CCDC15: variants seen among roughly 807,000 people sequenced by gnomAD.
CCDC15 encodes coiled-coil domain containing 15, also known as coiled-coil domain-containing protein 15.
CCDC15 carries 105 observed loss-of-function variants against 114.5 expected under a neutral mutation model. That is an observed-to-expected ratio of 0.92 (90% CI 0.78 to 1.08). CCDC15 has a LOEUF of 1.08. Ranked by LOEUF, CCDC15 falls within the 50% of genes least tolerant of loss-of-function variation. The pLI is 0.00. For missense variants in CCDC15, 1,105 were observed against 1,093.6 expected, an observed-to-expected ratio of 1.01 and a Z score of -0.15; for synonymous variants, 334 against 377.8, an observed-to-expected ratio of 0.88 and a Z score of 1.34.
intron 13 of CCDC15, among the ~76,000 whole-genome samples, chr11:125,007,105 A>G (rs1948558304): frequency 6.6e-6 from 1 of 152,150 alleles, no homozygotes; most frequent in Non-Finnish European, 1.5e-5. Flanking sequence ...GAACATTTCA[A>G]ATCTTCTAGC....
chr11:124,984,255 G>A (rs1948120559), intron 6 of CCDC15, among the ~76,000 whole-genome samples: 1 of 152,074 alleles, frequency 6.6e-6, no homozygotes, highest in Non-Finnish European at 1.5e-5. Context: ...TGGGGGAAGG[G>A]CATAGGCAGG....
intron 13 of CCDC15, among the ~76,000 whole-genome samples, chr11:125,023,034 T>G (rs1948672386): frequency 1.3e-5 from 2 of 151,968 alleles, no homozygotes; most frequent in African/African-American, 4.8e-5. Flanking sequence ...AATTTCTGCT[T>G]TTCAGTTTGT....
intron 15 of CCDC15, among the ~76,000 whole-genome samples, chr11:125,040,193 C>T (rs1033210364): frequency 1.1e-4 from 17 of 152,076 alleles, no homozygotes; most frequent in Non-Finnish European, 2.4e-4. Flanking sequence ...TGTGCCACCA[C>T]ATCCAGCTAA....
intron 8 of CCDC15, 73 bp downstream of exon 8, chr11:124,988,207 A>G (rs1219995106): frequency 6.9e-6 from 10 of 1,444,428 alleles, no homozygotes; most frequent in Non-Finnish European, 8.4e-6. Flanking sequence ...ATTTGTAAGG[A>G]CTGCAAGTAT....
intron 13 of CCDC15, among the ~76,000 whole-genome samples, chr11:125,021,564 G>A (rs1948660678): frequency 6.6e-6 from 1 of 151,804 alleles, no homozygotes. Flanking sequence ...ATGACCTGTA[G>A]GTCACTAGTT....
At chr11:124,954,639 C>T in intron 1 of CCDC15, 85 bp from the exon 2 acceptor site, 2 of 1,208,668 alleles carry the variant, frequency 1.7e-6, no homozygotes, top group South Asian at 2.9e-5. Context: ...CTCTCCTTTT[C>T]ACGGGCCTGT....
At chr11:125,011,079 T>G (rs1471676758) in intron 13 of CCDC15, among the ~76,000 whole-genome samples, 1 of 152,086 alleles carries the variant, frequency 6.6e-6, no homozygotes, top group Non-Finnish European at 1.5e-5. Context: ...TCATTGGACC[T>G]AAAAGTTTCC....
chr11:124,963,283 C>A (rs1400200071), intron 4 of CCDC15, among the ~76,000 whole-genome samples: 1 of 152,194 alleles, frequency 6.6e-6, no homozygotes, highest in East Asian at 1.9e-4. Flanking sequence ...TCCTATTTCT[C>A]CACATCCTCT....
intron 13 of CCDC15, among the ~76,000 whole-genome samples, chr11:125,014,945 G>T (rs1948618632): frequency 3.3e-5 from 5 of 152,042 alleles, no homozygotes; most frequent in Admixed American, 3.3e-4. Flanking sequence ...TTATTTTTCA[G>T]AATATGTTCT....
At chr11:124,979,295 A>C (rs1316923019) in intron 6 of CCDC15, among the ~76,000 whole-genome samples, 2 of 152,044 alleles carry the variant, frequency 1.3e-5, no homozygotes, top group African/African-American at 4.8e-5. Flanking sequence ...TTTTCATATG[A>C]ATTTTCAAAT....
chr11:124,959,725 T>TTAAAATAATA, intron 3 of CCDC15, 90 bp from the exon 4 acceptor site: 1 of 264,130 alleles, frequency 3.8e-6, no homozygotes, highest in Non-Finnish European at 7.0e-6. Context: ...CCCACCCCAA[T>TTAAAATAATA]TTAAAATCTT....
chr11:125,024,489 A>T (rs998664259), intron 13 of CCDC15, among the ~76,000 whole-genome samples: 1 of 152,052 alleles, frequency 6.6e-6, no homozygotes, highest in Non-Finnish European at 1.5e-5. Context: ...TTTTCTCAGC[A>T]GTATGTTATA....
intron 6 of CCDC15, among the ~76,000 whole-genome samples, chr11:124,986,252 T>C (rs2135480535): frequency 6.6e-6 from 1 of 152,318 alleles, no homozygotes. Context: ...TCCTATAACT[T>C]TGTGGTAACT....
intron 13 of CCDC15, among the ~76,000 whole-genome samples, chr11:125,015,775 A>G (rs990958354): frequency 3.2e-4 from 48 of 152,208 alleles, no homozygotes; most frequent in African/African-American, 1.1e-3. Context: ...ATTACAAGAA[A>G]GCAGCATTAC....
At chr11:125,037,413 G>A (rs1206185852) in intron 13 of CCDC15, 1 of 152,198 alleles carries the variant, frequency 6.6e-6, no homozygotes, top group African/African-American at 2.4e-5. Flanking sequence ...CTAGCCTCAG[G>A]TTATTTCATT....
At chr11:125,007,910 G>C (rs1948563510) in intron 13 of CCDC15, among the ~76,000 whole-genome samples, 1 of 152,174 alleles carries the variant, frequency 6.6e-6, no homozygotes, top group Non-Finnish European at 1.5e-5. Flanking sequence ...TTCTATACCT[G>C]GGTGCTGGCA....
intron 6 of CCDC15, among the ~76,000 whole-genome samples, chr11:124,984,241 G>A (rs187321109): frequency 7.0e-4 from 107 of 152,252 alleles, no homozygotes; most frequent in African/African-American, 2.3e-3. Flanking sequence ...GAGGGAGGAC[G>A]CAGTGGGGGA....
intron 13 of CCDC15, among the ~76,000 whole-genome samples, chr11:125,012,312 A>C (rs2135528201): frequency 6.6e-6 from 1 of 152,318 alleles, no homozygotes; most frequent in Non-Finnish European, 1.5e-5. Flanking sequence ...GGGTCTCATG[A>C]TAAGGGCTCC....
At chr11:124,984,359 C>A (rs551864824) in intron 6 of CCDC15, among the ~76,000 whole-genome samples, 5 of 152,186 alleles carry the variant, frequency 3.3e-5, no homozygotes, top group Non-Finnish European at 5.9e-5. Flanking sequence ...CCCCGGTGGG[C>A]ATCTGAGGTT....
Sources: gnomAD v4.1 joint callset for allele counts (sites outside exome capture counted in the v4.1 genomes callset) on GRCh38, gnomAD v4.1.1 for gene constraint, MANE v1.5 for transcripts, NCBI Gene and HGNC (gene_info 2026-07-23, HGNC 2026-07-21) for gene names.